KHDC1: variants seen among roughly 807,000 people sequenced by gnomAD.
The protein encoded by KHDC1 is KH domain containing 1, also known as KH homology domain-containing protein 1.
In KHDC1, 21 loss-of-function variants were observed where a neutral mutation model predicts 24.7. The observed-to-expected ratio is 0.85, with a 90% CI of 0.60 to 1.23. KHDC1 has a LOEUF of 1.23. Ranked by LOEUF, KHDC1 falls within the 50% of genes most tolerant of loss-of-function variation. The probability of loss-of-function intolerance (pLI) is 0.00; values close to 1 mark genes in which losing one functional copy is unlikely to be tolerated. For synonymous variants in KHDC1, 98 were observed against 111.7 expected (o/e 0.88, Z 0.77); for missense variants, 274 against 298.5 (o/e 0.92, Z 0.61).
At chr6:73,282,797 A>AC (rs1426230595) in intron 2 of KHDC1, among the ~76,000 whole-genome samples, 2 of 152,090 alleles carry the variant, frequency 1.3e-5, no homozygotes, top group East Asian at 3.8e-4. Flanking sequence ...TTTATCTCTG[A>AC]CCTAACCAAT....
intron 2 of KHDC1, chr6:73,275,685 C>T (rs1767275441): frequency 6.0e-6 from 1 of 167,206 alleles, no homozygotes. Flanking sequence ...GCCAGCATCC[C>T]AGTGACATCT....
rs1259060240 is a variant in KHDC1, at chr6:73,291,961, G to A, written c.206+37C>T. ...AGCACAGACTCCCTTTTTTTGGTAAGATGGCGGGGTACGACTTAACTACTC... is the reference window on the plus strand; with the variant it reads ...AGCACAGACTCCCTTTTTTTGGTAAAATGGCGGGGTACGACTTAACTACTC... On this transcript the variant is annotated intron_variant, in intron 2 of 4. Transcript: ENST00000370384. 9 of 1,609,202 alleles carry A rather than the reference G, an allele frequency of 5.6e-6. No individual in the cohort carries two copies. The Admixed American group carries it at 1.2e-4, about 21-fold the overall frequency.
chr6:73,304,743 T>A (rs1767931247), intron 1 of KHDC1, among the ~76,000 whole-genome samples: 1 of 152,186 alleles, frequency 6.6e-6, no homozygotes, highest in African/African-American at 2.4e-5. Flanking sequence ...AATAATTGGC[T>A]CAGGTTTCAC....
intron 2 of KHDC1, chr6:73,276,436 A>C (rs779495548): frequency 6.6e-6 from 1 of 151,998 alleles, no homozygotes; most frequent in Non-Finnish European, 1.5e-5. Context: ...GCAGTGAACC[A>C]AGATCATGCC....
At chr6:73,241,927 A>C (rs1766576842) in intron 4 of KHDC1, 128 bp downstream of exon 3, 7 of 1,152,114 alleles carry the variant, frequency 6.1e-6, no homozygotes. Flanking sequence ...TTTTCTTCCC[A>C]ATGGACTCTG....
chr6:73,278,481 C>T (rs1204259802), intron 2 of KHDC1, among the ~76,000 whole-genome samples: 1 of 152,204 alleles, frequency 6.6e-6, no homozygotes, highest in African/African-American at 2.4e-5. Flanking sequence ...GCCTTGGCCT[C>T]CCAGAATGCT....
At chr6:73,293,517 C>G (rs960813853) in intron 1 of KHDC1, among the ~76,000 whole-genome samples, 1 of 152,196 alleles carries the variant, frequency 6.6e-6, no homozygotes, top group African/African-American at 2.4e-5. Flanking sequence ...CAGTAGCTGA[C>G]GCCCATGATC....
chr6:73,276,361 C>G (rs1283949535), intron 2 of KHDC1: 2 of 151,406 alleles, frequency 1.3e-5, no homozygotes, highest in Non-Finnish European at 2.9e-5. Context: ...GTGGCACATG[C>G]TTGTAATCCC....
intron 1 of KHDC1, chr6:73,292,298 C>T: frequency 9.1e-7 from 1 of 1,099,886 alleles, no homozygotes; most frequent in Non-Finnish European, 1.4e-6. Flanking sequence ...TGGTAGGATG[C>T]TCTTTGACTA....
intron 2 of KHDC1, among the ~76,000 whole-genome samples, chr6:73,273,908 C>T (rs900092512): frequency 7.9e-5 from 12 of 152,068 alleles, no homozygotes; most frequent in Admixed American, 2.6e-4. Context: ...CACTTGAAGC[C>T]AAGAGTGGAG....
intron 2 of KHDC1, among the ~76,000 whole-genome samples, chr6:73,257,020 C>T (rs1009716542): frequency 1.2e-4 from 19 of 152,102 alleles, no homozygotes; most frequent in Admixed American, 3.3e-4. Context: ...CAGTGGGGCA[C>T]GGTGGCTCAA....
At chr6:73,250,288 C>A (rs547949119) in intron 2 of KHDC1, among the ~76,000 whole-genome samples, 4 of 152,310 alleles carry the variant, frequency 2.6e-5, no homozygotes, top group South Asian at 4.1e-4. Context: ...TAATCTAATT[C>A]CCCTGCCAGT....
intron 2 of KHDC1, among the ~76,000 whole-genome samples, chr6:73,257,411 G>C (rs1582558002): frequency 6.6e-6 from 1 of 151,872 alleles, no homozygotes; most frequent in East Asian, 1.9e-4. Context: ...TTGTTTGTTT[G>C]TTTATTTGTT....
At chr6:73,243,712 G>T (rs1766616416) in intron 2 of KHDC1, among the ~76,000 whole-genome samples, 1 of 152,190 alleles carries the variant, frequency 6.6e-6, no homozygotes, top group South Asian at 2.1e-4. Flanking sequence ...AGAGAGACAG[G>T]TAGTCTTTTA....
intron 2 of KHDC1, among the ~76,000 whole-genome samples, chr6:73,256,509 G>T (rs1046798441): frequency 6.6e-6 from 1 of 152,144 alleles, no homozygotes; most frequent in African/African-American, 2.4e-5. Context: ...ATGATATTTG[G>T]TCAAGAAAAA....
At chr6:73,304,310 T>C (rs1767924682) in intron 1 of KHDC1, among the ~76,000 whole-genome samples, 1 of 152,012 alleles carries the variant, frequency 6.6e-6, no homozygotes, top group Non-Finnish European at 1.5e-5. Context: ...AAATTAAAAA[T>C]GAAAAAAGTA....
At chr6:73,277,433 C>G (rs1767318056) in intron 2 of KHDC1, among the ~76,000 whole-genome samples, 1 of 152,058 alleles carries the variant, frequency 6.6e-6, no homozygotes, top group Non-Finnish European at 1.5e-5. Flanking sequence ...CCATTGCACT[C>G]CAGCCTGGGT....
chr6:73,307,930 C>T (rs1354586997), intron 1 of KHDC1, among the ~76,000 whole-genome samples: 2 of 151,968 alleles, frequency 1.3e-5, no homozygotes, highest in Non-Finnish European at 2.9e-5. Context: ...GACAGAGTCT[C>T]GCTCTGTCGC....
exon 1 of KHDC1, chr6:73,309,733 G>T (rs745726036): frequency 6.5e-7 from 1 of 1,549,454 alleles, no homozygotes; most frequent in South Asian, 1.2e-5. Context: ...TCTGGCCTGG[G>T]AAAGTAAGGG....
Sources: allele counts gnomAD v4.1 joint callset (sites outside exome capture counted in the v4.1 genomes callset), GRCh38; gene constraint gnomAD v4.1.1; transcripts MANE v1.5; gene names NCBI Gene and HGNC (gene_info 2026-07-23, HGNC 2026-07-21).